DNAH11: variants seen among roughly 807,000 people sequenced by gnomAD.
The protein encoded by DNAH11 is axonemal beta dynein heavy chain 11.
DNAH11 carries 442 observed loss-of-function variants against 526.0 expected under a neutral mutation model. The observed-to-expected ratio is 0.84, with a 90% CI of 0.78 to 0.91. The LOEUF (loss-of-function observed/expected upper bound fraction) is 0.91. Ranked by LOEUF, DNAH11 falls within the 40% of genes least tolerant of loss-of-function variation. The pLI is 0.00. For missense variants in DNAH11, 6,989 were observed against 5,448.7 expected, an observed-to-expected ratio of 1.28 and a Z score of -8.90; for synonymous variants, 2,461 against 1,935.9, an observed-to-expected ratio of 1.27 and a Z score of -7.12.
chr7:21,671,297 A>G (rs1383883420), intron 30 of DNAH11, among the ~76,000 whole-genome samples: 3 of 152,100 alleles, frequency 2.0e-5, no homozygotes, highest in African/African-American at 2.4e-5. Context: ...CCCAGTGTCT[A>G]TTGTCTGTGG....
At chr7:21,877,567 A>C (rs1783762514) in intron 74 of DNAH11, among the ~76,000 whole-genome samples, 1 of 152,172 alleles carries the variant, frequency 6.6e-6, no homozygotes, top group Non-Finnish European at 1.5e-5. Context: ...CCATCTACCT[A>C]CGCCTTTCAG....
chr7:21,755,928 G>A (rs1347541991), intron 54 of DNAH11, among the ~76,000 whole-genome samples: 1 of 152,036 alleles, frequency 6.6e-6, no homozygotes, highest in African/African-American at 2.4e-5. Flanking sequence ...ACTTCTTATT[G>A]TTGGTTATAG....
intron 72 of DNAH11, 97 bp downstream of exon 72, chr7:21,868,104 C>CTTTTTT: frequency 2.9e-6 from 2 of 697,252 alleles, no homozygotes; most frequent in Non-Finnish European, 3.9e-6. Context: ...ATCTTAGTTT[C>CTTTTTT]TTTTTTTTTT....
intron 9 of DNAH11, among the ~76,000 whole-genome samples, chr7:21,585,182 G>A (rs936506014): frequency 6.6e-6 from 1 of 152,156 alleles, no homozygotes; most frequent in African/African-American, 2.4e-5. Flanking sequence ...TGGCGGGGGT[G>A]TGGCATCATC....
intron 36 of DNAH11, among the ~76,000 whole-genome samples, chr7:21,699,344 G>A (rs1783972777): frequency 6.6e-6 from 1 of 152,044 alleles, no homozygotes; most frequent in African/African-American, 2.4e-5. Flanking sequence ...TGAAGTTGCT[G>A]ATAAGCCACA....
intron 30 of DNAH11, among the ~76,000 whole-genome samples, chr7:21,661,862 C>T (rs1196196278): frequency 6.6e-6 from 1 of 151,996 alleles, no homozygotes; most frequent in African/African-American, 2.4e-5. Context: ...TCCTGTCATC[C>T]AGTCTGGAGT....
chr7:21,598,051 T>C (rs1353185781), intron 14 of DNAH11, among the ~76,000 whole-genome samples: 1 of 152,176 alleles, frequency 6.6e-6, no homozygotes, highest in Non-Finnish European at 1.5e-5. Flanking sequence ...TCCCCTGCCT[T>C]ATTAGGATCT....
At chr7:21,866,846 G>A (rs1021551722) in intron 71 of DNAH11, among the ~76,000 whole-genome samples, 183 bp downstream of exon 71, 1 of 152,128 alleles carries the variant, frequency 6.6e-6, no homozygotes, top group African/African-American at 2.4e-5. Context: ...CCATGTGCTA[G>A]GCAGACTCAG....
At chr7:21,606,849 T>A in intron 20 of DNAH11, 116 bp downstream of exon 20, 1 of 917,686 alleles carries the variant, frequency 1.1e-6, no homozygotes, top group Non-Finnish European at 1.6e-6. Context: ...GGAATTGATT[T>A]ATTTAAAACC....
chr7:21,697,024 T>G (rs946121887), intron 35 of DNAH11, among the ~76,000 whole-genome samples: 4 of 152,170 alleles, frequency 2.6e-5, no homozygotes, highest in Non-Finnish European at 4.4e-5. Context: ...TTAGTTTAGA[T>G]AGAAGAGATA....
At chr7:21,711,189 A>G (rs1784452973) in intron 41 of DNAH11, among the ~76,000 whole-genome samples, 4 of 152,190 alleles carry the variant, frequency 2.6e-5, no homozygotes, top group Admixed American at 2.6e-4. Flanking sequence ...TCTGTGAGAT[A>G]TCAGTCAAGC....
Position 21,658,843 on chromosome 7 carries a change from G to T in DNAH11, c.5140G>T (p.Val1714Leu), listed in dbSNP as rs1782127123. The T allele has an allele frequency of 1.2e-6, 2 of 1,603,024 alleles. No individual in the cohort carries two copies. Among genetic ancestry groups the T allele is most frequent in the South Asian group, 1.1e-5 (1 of 88,860 alleles). The change falls in exon 30 of 82, where the codon GTG (valine) becomes TTG (leucine). Residue 1714 changes from valine (V) to leucine (L), a missense_variant. By Grantham distance (32) the Val-to-Leu change is conservative. Transcript: ENST00000409508. ...ACTTGAACAGACTATGCAAGAAACG[G>T]TGCGTCATTCTATAACAGAAGCCAT... ...LQLEQTMQET[V>L]RHSITEAIVA...
intron 29 of DNAH11, among the ~76,000 whole-genome samples, chr7:21,657,100 T>C (rs17144909): frequency 0.053 from 8,100 of 152,276 alleles, 551 homozygotes; most frequent in Admixed American, 0.2. Context: ...AAGCAACTTA[T>C]GCTAGAGACT....
At chr7:21,549,999 T>A (rs1782959242) in intron 2 of DNAH11, among the ~76,000 whole-genome samples, 1 of 152,226 alleles carries the variant, frequency 6.6e-6, no homozygotes, top group Non-Finnish European at 1.5e-5. Flanking sequence ...CATTTTGACC[T>A]GCTCTTTGTA....
intron 18 of DNAH11, among the ~76,000 whole-genome samples, chr7:21,604,930 G>C (rs1785225955): frequency 6.6e-6 from 1 of 152,132 alleles, no homozygotes; most frequent in African/African-American, 2.4e-5. Flanking sequence ...GAAGGACAAA[G>C]GGGTTTAAAG....
At chr7:21,709,418 A>G (rs1298866598) in intron 40 of DNAH11, among the ~76,000 whole-genome samples, 2 of 152,162 alleles carry the variant, frequency 1.3e-5, no homozygotes, top group African/African-American at 2.4e-5. Context: ...ACTGAGGCCT[A>G]TTAGAGGTGG....
At chr7:21,803,862 A>G (rs866973851) in intron 62 of DNAH11, among the ~76,000 whole-genome samples, 1,648 of 121,986 alleles carry the variant, frequency 0.014, 4 homozygotes, top group Middle Eastern at 0.021. Context: ...GAATGGGGCT[A>G]TCATCATTGA....
intron 65 of DNAH11, among the ~76,000 whole-genome samples, chr7:21,834,150 A>G (rs1236406579): frequency 6.6e-6 from 1 of 152,234 alleles, no homozygotes; most frequent in African/African-American, 2.4e-5. Flanking sequence ...AAATTATGTC[A>G]AGTCTTTTTT....
At chr7:21,864,765 A>G in intron 70 of DNAH11, 108 bp downstream of exon 70, 2 of 1,110,586 alleles carry the variant, frequency 1.8e-6, no homozygotes, top group Non-Finnish European at 2.4e-6. Flanking sequence ...ATTAAGCACC[A>G]TTTCAGTTGT....
Sources: gnomAD v4.1 joint callset for allele counts (sites outside exome capture counted in the v4.1 genomes callset) on GRCh38, gnomAD v4.1.1 for gene constraint, MANE v1.5 for transcripts, NCBI Gene and HGNC (gene_info 2026-07-23, HGNC 2026-07-21) for gene names.